Variants in STAG3 observed in about 807,000 individuals in gnomAD.
The protein encoded by STAG3 is STAG3 cohesin complex component.
STAG3 carries 101 observed loss-of-function variants against 160.7 expected under a neutral mutation model. The observed-to-expected ratio is 0.63, with a 90% CI of 0.54 to 0.74. The LOEUF (loss-of-function observed/expected upper bound fraction) is 0.74. Among genes scored for constraint, STAG3 ranks in the 30% least tolerant of loss-of-function variants. STAG3 has a pLI of 0.00. For missense variants in STAG3, 1,188 were observed against 1,517.4 expected (o/e 0.78, Z 3.61); for synonymous variants, 519 against 585.0 (o/e 0.89, Z 1.63).
chr7:100,183,244 C>A (rs1799768766), intron 4 of STAG3, among the ~76,000 whole-genome samples: 1 of 152,134 alleles, frequency 6.6e-6, no homozygotes, highest in Non-Finnish European at 1.5e-5. Flanking sequence ...CAACTTCTGA[C>A]CTCAGGTGAT....
At chr7:100,178,993 G>GT (rs1035971536) in intron 1 of STAG3, among the ~76,000 whole-genome samples, 2 of 151,620 alleles carry the variant, frequency 1.3e-5, no homozygotes, top group African/African-American at 4.8e-5. Flanking sequence ...CACCTGGCTA[G>GT]TTTTTTTGGT....
At position 100,204,104 on chromosome 7, in the gene STAG3, G is replaced by A. The variant is rs976632440; in HGVS notation, c.2784G>A (p.Leu928=). 6.2e-7 allele frequency: 1 copy of A among 1,613,932 alleles called. No individual in the cohort carries two copies. The highest frequency in any genetic ancestry group is 1.3e-5 in the African/African-American group (1 of 74,916). Reference sequence around the variant, plus strand: ...ACCGAAGTCATTGTTCCCGAATCCTGCTGCTGAGCCTCAAGCAGGTGCGCC... The same window carrying A: ...ACCGAAGTCATTGTTCCCGAATCCTACTGCTGAGCCTCAAGCAGGTGCGCC... The part of the protein sequence containing the change: ...QIDRSHCSRI[L]LLSLKQLYTE... The change falls in exon 26 of 34, where the codon CTG becomes CTA. Residue 928 remains leucine (L), a synonymous_variant. Transcript: ENST00000615138.
chr7:100,195,585 T>C (rs909004684), intron 9 of STAG3, among the ~76,000 whole-genome samples: 1 of 152,264 alleles, frequency 6.6e-6, no homozygotes, highest in Admixed American at 6.5e-5. Context: ...TTGTAAGTGC[T>C]TCTGGGAGAA....
rs1473367419 is a variant in STAG3, at chr7:100,213,479, C to A, written c.3601-256C>A. 3.0e-6 allele frequency: 3 copies of A among 984,978 alleles called. No individual in the cohort carries two copies. The African/African-American group carries it at 5.2e-5, about 17-fold the overall frequency. The allele number at this position is 984,978 out of a possible 1,614,324, so 61.0% of individuals were successfully genotyped here. On this transcript the variant is annotated intron_variant, in intron 32 of 33. Transcript: ENST00000615138. ...CAAGGCCTCTGTTAAAATATTATTTCCTAACATCTCAGAAAAAATCCGTTT... is the reference window on the plus strand; with the variant it reads ...CAAGGCCTCTGTTAAAATATTATTTACTAACATCTCAGAAAAAATCCGTTT...
chr7:100,216,605 C>G (rs942141059), downstream of STAG3, among the ~76,000 whole-genome samples: 1 of 152,128 alleles, frequency 6.6e-6, no homozygotes, highest in East Asian at 1.9e-4. Flanking sequence ...TTGAGACCAT[C>G]CTGGCCAACA....
chr7:100,180,513 T>G lies in STAG3; in HGVS notation c.-44T>G. ...CCCAGCTGGATCGCCATACCTACCC[T>G]GTGGTCCTCATCTTCCTGGCCTCAT... is the stretch of plus-strand genomic sequence containing the variant. On this transcript the variant is annotated 5_prime_UTR_variant, in exon 2 of 34. Coordinates refer to ENST00000615138, the MANE Select transcript of STAG3 (RefSeq NM_001282717.2). The G allele has an allele frequency of 8.5e-7, 1 of 1,171,174 alleles. No individual in the cohort carries two copies. The highest frequency in any genetic ancestry group is 1.3e-6 in the Non-Finnish European group (1 of 775,738). The allele number at this position is 1,171,174 out of a possible 1,614,324, so 72.5% of individuals were successfully genotyped here.
chr7:100,181,718 C>T (rs1159668953), intron 2 of STAG3, among the ~76,000 whole-genome samples: 1 of 152,066 alleles, frequency 6.6e-6, no homozygotes, highest in Non-Finnish European at 1.5e-5. Context: ...GAGGCCGAGG[C>T]GGGTGGATCA....
chr7:100,186,390 CTAAA>C (rs1187175721), intron 5 of STAG3, 94 bp downstream of exon 5: 1 of 1,216,052 alleles, frequency 8.2e-7, no homozygotes, highest in Non-Finnish European at 1.2e-6. Context: ...TAGACATTTC[CTAAA>C]TAAAGGAAGA....
rs574576532 is a variant in STAG3 at position 100,195,235 on chromosome 7, G to C, written c.868-74G>C. ...AAACAGGAAGTAGGTGGAAGTTGTA[G>C]TTTTTCTGTATCTTCAGGGCCTTAT... On this transcript the variant is annotated intron_variant, in intron 8 of 33. Coordinates refer to ENST00000615138, the MANE Select transcript of STAG3 (RefSeq NM_001282717.2). 235 of 1,357,230 alleles carry C rather than the reference G, an allele frequency of 1.7e-4. 6 individuals carry two copies. The South Asian group carries it at 2.6e-3, about 15-fold the overall frequency. 84.1% of individuals were successfully genotyped at this position (1,357,230 alleles called of 1,614,324 possible). A position where few individuals can be genotyped will look rare whatever the true frequency, so the allele number is the denominator to read the frequency against.
intron 1 of STAG3, among the ~76,000 whole-genome samples, chr7:100,179,013 G>T (rs1461481887): frequency 6.6e-6 from 1 of 151,368 alleles, no homozygotes; most frequent in Non-Finnish European, 1.5e-5. Context: ...TTTTGGTTTG[G>T]TTTTTTCGTA....
intron 7 of STAG3, 112 bp downstream of exon 7, chr7:100,189,128 C>G: frequency 8.3e-7 from 1 of 1,199,166 alleles, no homozygotes; most frequent in East Asian, 2.4e-5. Context: ...CACTTCAAGG[C>G]CATGCCTCTT....
rs1352118792 is a variant in STAG3 at position 100,182,210 on chromosome 7, CT to C, written c.219+22del. On this transcript the variant is annotated intron_variant, in intron 3 of 33. Transcript: ENST00000615138. ...CAACACCGGTGAGTCAGCCAGTTTTCTTTTGTTTTTGAATCTTGTGGGGGAA... is the reference window on the plus strand; with the variant it reads ...CAACACCGGTGAGTCAGCCAGTTTTCTTTGTTTTTGAATCTTGTGGGGGAA... The C allele has an allele frequency of 6.3e-7, 1 of 1,596,230 alleles. No individual in the cohort carries two copies. The highest frequency in any genetic ancestry group is 1.1e-5 in the South Asian group (1 of 90,558).
In STAG3 at chr7:100,207,492, T is replaced by C. The variant is rs993838334; in HGVS notation, c.3238+2108T>C. ...ACAAATGGTATTGAGCATCTTTTCA[T>C]GTGCTTATTGACAATTTGTTTATCT... On this transcript the variant is annotated intron_variant, in intron 29 of 33. Coordinates refer to ENST00000615138, the MANE Select transcript of STAG3 (RefSeq NM_001282717.2). The surrounding 1 kb of genome is among the most constrained non-coding windows in gnomAD (Gnocchi z 4.0). Among the ~76,000 whole-genome samples the C allele has an allele frequency of 6.6e-6, 1 of 152,250 alleles. No individual in the cohort carries two copies. The highest frequency in any genetic ancestry group is 1.5e-5 in the Non-Finnish European group (1 of 68,046).
chr7:100,211,701 CT>C, intron 31 of STAG3, 93 bp from the exon 32 acceptor site: 1 of 1,446,846 alleles, frequency 6.9e-7, no homozygotes, highest in Non-Finnish European at 9.6e-7. Context: ...GCTGTACTTA[CT>C]GCTCCCCACT....
chr7:100,195,473 G>A (rs1800627399), intron 9 of STAG3, 91 bp downstream of exon 9: 1 of 1,205,380 alleles, frequency 8.3e-7, no homozygotes, highest in Non-Finnish European at 1.2e-6. Context: ...CCAACCCTTA[G>A]TTATTTGGTT....
rs143080917 is a variant in STAG3, at chr7:100,204,723, A to T, written c.2899A>T (p.Ser967Cys). The T allele has an allele frequency of 3.7e-5, 60 of 1,613,658 alleles. No individual in the cohort carries two copies. In the African/African-American group the frequency reaches 7.4e-4, roughly 20 times the overall value. ...GGACCTGGCCCGGAGGTTTGCCTTG[A>T]GTTTTGGACCCCAGCAGCTGCAGAA... ...MRDLARRFAL[S>C]FGPQQLQNRD... The change falls in exon 27 of 34, where the codon AGT (serine) becomes TGT (cysteine). Residue 967 changes from serine (S) to cysteine (C), a missense_variant. By Grantham distance (112) the Ser-to-Cys change is moderately radical. Coordinates refer to ENST00000615138, the MANE Select transcript of STAG3 (RefSeq NM_001282717.2).
rs763968349 is a variant in STAG3 at position 100,197,305 on chromosome 7, C to T, written c.1065+26C>T. ...GTGGGATTCGAGTCAGTTTCCCTTT[C>T]CGTTTCCTTCATCTTTTTCCTGTCC... is the stretch of plus-strand genomic sequence containing the variant. On this transcript the variant is annotated intron_variant, in intron 10 of 33. Coordinates refer to ENST00000615138, the MANE Select transcript of STAG3 (RefSeq NM_001282717.2). 1.9e-6 allele frequency: 3 copies of T among 1,604,678 alleles called. No individual in the cohort carries two copies. In the Admixed American group the frequency reaches 5.0e-5, roughly 27 times the overall value.
chr7:100,194,739 G>A (rs148216695), intron 8 of STAG3, among the ~76,000 whole-genome samples: 10 of 152,266 alleles, frequency 6.6e-5, no homozygotes, highest in Admixed American at 3.3e-4. Flanking sequence ...AGGCTGCCGT[G>A]AGCCATGGTC....
At chr7:100,213,630 G>A in intron 32 of STAG3, 105 bp from the exon 33 acceptor site, 1 of 1,578,520 alleles carries the variant, frequency 6.3e-7, no homozygotes, top group Admixed American at 1.8e-5. Flanking sequence ...GGCCTGCTGT[G>A]CCCATATTTG....
Sources: gnomAD v4.1 joint callset for allele counts (sites outside exome capture counted in the v4.1 genomes callset) on GRCh38, gnomAD v4.1.1 for gene constraint, Gnocchi (gnomAD v3.1) non-coding constraint, MANE v1.5 for transcripts, NCBI Gene and HGNC (gene_info 2026-07-23, HGNC 2026-07-21) for gene names.